LRRC7: variants seen among roughly 807,000 people sequenced by gnomAD.
LRRC7 encodes the protein leucine rich repeat containing 7.
A neutral mutation model predicts 175.7 loss-of-function variants in LRRC7; 23 were observed. That is an observed-to-expected ratio of 0.13 (90% CI 0.09 to 0.19). The LOEUF is 0.19. Among genes scored for constraint, LRRC7 ranks in the 10% least tolerant of loss-of-function variants. LRRC7 has a pLI of 1.00. For synonymous variants in LRRC7, 685 were observed against 680.9 expected, an observed-to-expected ratio of 1.01 and a Z score of -0.09; for missense variants, 1,354 against 1,904.7, an observed-to-expected ratio of 0.71 and a Z score of 5.38.
At chr1:69,707,123 T>TA (rs1664134376) in intron 2 of LRRC7, among the ~76,000 whole-genome samples, 1 of 151,952 alleles carries the variant, frequency 6.6e-6, no homozygotes, top group South Asian at 2.1e-4. Context: ...GAGGAATAAA[T>TA]AAAAAAAAGT....
intron 7 of LRRC7, among the ~76,000 whole-genome samples, chr1:69,861,164 A>G (rs1364096139): frequency 6.6e-6 from 1 of 152,162 alleles, no homozygotes; most frequent in African/African-American, 2.4e-5. Flanking sequence ...TTATGTATAT[A>G]CAAAGCATTT....
In LRRC7 at chr1:69,939,493, G is replaced by A. The variant is rs577137583; in HGVS notation, c.711+7923G>A. 6.6e-5 allele frequency among the ~76,000 whole-genome samples: 10 copies of A among 152,094 alleles called. No individual in the cohort carries two copies. The East Asian group carries it at 1.9e-3, about 29-fold the overall frequency. ...AGAGCAAGTCCCTCTTCCTCCTCCA[G>A]CCCCTCCCCAGGACACTCAATTGTT... On this transcript the variant is annotated intron_variant, in intron 8 of 26. Coordinates refer to ENST00000651989, the MANE Select transcript of LRRC7 (RefSeq NM_001370785.2).
chr1:69,695,493 G>A (rs570773916), intron 2 of LRRC7, among the ~76,000 whole-genome samples: 122 of 152,268 alleles, frequency 8.0e-4, no homozygotes, highest in African/African-American at 2.8e-3. Context: ...TTTAGGAGAC[G>A]AATTGAAATG....
In LRRC7 at chr1:70,111,529, A is replaced by G. The variant is rs571504861; in HGVS notation, c.4620+3703A>G. Among the ~76,000 whole-genome samples the G allele has an allele frequency of 5.7e-4, 87 of 152,292 alleles. 2 individuals carry two copies. In the South Asian group the frequency reaches 0.016, roughly 29 times the overall value. ...TAGAATAAGCCATGTGAATTTGCCA[A>G]TATTTGAAATGACAGTTTTGTTAAT... On this transcript the variant is annotated intron_variant, in intron 26 of 26. Transcript: ENST00000651989.
chr1:70,023,063 A>T, intron 16 of LRRC7, 63 bp from the exon 17 acceptor site: 1 of 1,364,048 alleles, frequency 7.3e-7, no homozygotes, highest in Admixed American at 2.8e-5. Flanking sequence ...AAAAATGATA[A>T]AGTGAAAGTA....
rs547660661 is a variant in LRRC7 at position 69,917,638 on chromosome 1, A to C, written c.648-13869A>C. On this transcript the variant is annotated intron_variant, in intron 7 of 26. Coordinates refer to ENST00000651989, the MANE Select transcript of LRRC7 (RefSeq NM_001370785.2). ...GATGCTGCTAAACATCTTAGAGTGC[A>C]CAAGATAGTCCCCCACAACAAACAA... is the stretch of plus-strand genomic sequence containing the variant. Among the ~76,000 whole-genome samples the C allele has an allele frequency of 2.0e-5, 3 of 152,292 alleles. No individual in the cohort carries two copies. In the East Asian group the frequency reaches 5.8e-4, roughly 29 times the overall value.
At chr1:69,832,829 G>T (rs1680676681) in intron 5 of LRRC7, among the ~76,000 whole-genome samples, 1 of 152,148 alleles carries the variant, frequency 6.6e-6, no homozygotes, top group African/African-American at 2.4e-5. Context: ...TGTAGGTCAG[G>T]CACGGTGGCT....
chr1:69,688,646 A>T lies in LRRC7; in HGVS notation c.100+10168A>T, dbSNP rs867175214. Among the ~76,000 whole-genome samples, 92 of 74,822 alleles carry T rather than the reference A, an allele frequency of 1.2e-3. 1 individual carries two copies. Among genetic ancestry groups the T allele is most frequent in the Middle Eastern group, 0.012 (2 of 168 alleles). The allele number at this position is 74,822 out of a possible 152,430, so 49.1% of individuals were successfully genotyped here. A position where few individuals can be genotyped will look rare whatever the true frequency, so the allele number is the denominator to read the frequency against. On this transcript the variant is annotated intron_variant, in intron 2 of 26. Transcript: ENST00000651989. ...TCTTTTTATGGTTTTTTTTTTTTTT[A>T]AAAAAAACCTCTTAGAAGCCTTAGG...
chr1:69,881,742 T>C (rs1260145656), intron 7 of LRRC7, among the ~76,000 whole-genome samples: 1 of 148,770 alleles, frequency 6.7e-6, no homozygotes, highest in Admixed American at 6.7e-5. Flanking sequence ...TAACCAAGAG[T>C]GGTAGTGCAT....
At chr1:70,092,683 C>T (rs947263287) in intron 25 of LRRC7, among the ~76,000 whole-genome samples, 1 of 152,086 alleles carries the variant, frequency 6.6e-6, no homozygotes, top group African/African-American at 2.4e-5. Flanking sequence ...AGCTGAGAGC[C>T]ACAGCTGCAG....
Position 69,917,255 on chromosome 1 carries a change from C to A in LRRC7, c.648-14252C>A, listed in dbSNP as rs527512013. On this transcript the variant is annotated intron_variant, in intron 7 of 26. Transcript: ENST00000651989. ...ATGTGTGCCAAACTTGTGATCAAGT[C>A]CTAATATTTGCTCCGTGACCTACAG... is the stretch of plus-strand genomic sequence containing the variant. Among the ~76,000 whole-genome samples, 26 of 152,190 alleles carry A rather than the reference C, an allele frequency of 1.7e-4. No individual in the cohort carries two copies. The South Asian group carries it at 5.0e-3, about 29-fold the overall frequency.
intron 23 of LRRC7, among the ~76,000 whole-genome samples, chr1:70,060,616 A>G (rs1031889657): frequency 1.5e-4 from 23 of 152,196 alleles, no homozygotes; most frequent in African/African-American, 5.1e-4. Context: ...AATAGATGGC[A>G]GAAAGTAGAG....
chr1:70,024,938 A>G (rs997071384), intron 17 of LRRC7, among the ~76,000 whole-genome samples: 9 of 152,138 alleles, frequency 5.9e-5, no homozygotes, highest in Admixed American at 5.9e-4. Context: ...ATTTAAAAAA[A>G]TAGAAATTAT....
intron 7 of LRRC7, among the ~76,000 whole-genome samples, chr1:69,908,512 T>C (rs563704029): frequency 5.3e-4 from 80 of 152,244 alleles, no homozygotes; most frequent in Non-Finnish European, 9.1e-4. Flanking sequence ...GCCTTCATTT[T>C]GTTATGTATC....
chr1:69,654,017 A>G lies in LRRC7; in HGVS notation c.3-24364A>G, dbSNP rs800928. ...TAGAATTTCAGTCATGCAAGATGAAATAGTTCTAAAGATTTGCTGTACAAC... is the reference window on the plus strand; with the variant it reads ...TAGAATTTCAGTCATGCAAGATGAAGTAGTTCTAAAGATTTGCTGTACAAC... On this transcript the variant is annotated intron_variant, in intron 1 of 26. Coordinates refer to ENST00000651989, the MANE Select transcript of LRRC7 (RefSeq NM_001370785.2). 8.2e-3 allele frequency among the ~76,000 whole-genome samples: 1,255 copies of G among 152,214 alleles called. 17 individuals are homozygous for G. The highest frequency in any genetic ancestry group is 0.029 in the African/African-American group (1,194 of 41,568).
chr1:69,691,285 T>A (rs1661821006), intron 2 of LRRC7, among the ~76,000 whole-genome samples: 1 of 152,114 alleles, frequency 6.6e-6, no homozygotes, highest in Admixed American at 6.6e-5. Context: ...ATTCTATCTG[T>A]TCCTGAAATA....
intron 2 of LRRC7, among the ~76,000 whole-genome samples, chr1:69,690,789 T>A (rs1283358937): frequency 6.6e-6 from 1 of 152,080 alleles, no homozygotes; most frequent in Non-Finnish European, 1.5e-5. Flanking sequence ...CATTTCCCCA[T>A]CCTGAAGTTC....
chr1:69,928,595 G>C (rs923436579), intron 7 of LRRC7, among the ~76,000 whole-genome samples: 1 of 152,220 alleles, frequency 6.6e-6, no homozygotes, highest in Non-Finnish European at 1.5e-5. Context: ...CTCCGTGGGC[G>C]TAGGACCCTC....
chr1:69,961,360 A>G (rs1477428455), intron 8 of LRRC7, among the ~76,000 whole-genome samples: 2 of 152,244 alleles, frequency 1.3e-5, no homozygotes, highest in African/African-American at 2.4e-5. Flanking sequence ...AAAACATTCC[A>G]TGCTCATGAA....
Sources: gnomAD v4.1 joint callset for allele counts (sites outside exome capture counted in the v4.1 genomes callset) on GRCh38, gnomAD v4.1.1 for gene constraint, MANE v1.5 for transcripts, NCBI Gene and HGNC (gene_info 2026-07-23, HGNC 2026-07-21) for gene names.